The following IPMK variants were observed in gnomAD, a reference collection of about 807,000 sequenced individuals.
The protein encoded by IPMK is inositol 1,3,4,6-tetrakisphosphate 5-kinase.
A neutral mutation model predicts 45.8 loss-of-function variants in IPMK; 17 were observed. The observed-to-expected ratio is 0.37, with a 90% CI of 0.25 to 0.56. IPMK has a LOEUF of 0.56. Ranked by LOEUF, IPMK falls within the 20% of genes least tolerant of loss-of-function variation. The probability of loss-of-function intolerance (pLI) is 0.79; values close to 1 mark genes in which losing one functional copy is unlikely to be tolerated. For missense variants in IPMK, 399 were observed against 498.0 expected, an observed-to-expected ratio of 0.80 and a Z score of 1.89; for synonymous variants, 180 against 184.3, an observed-to-expected ratio of 0.98 and a Z score of 0.19.
intron 3 of IPMK, among the ~76,000 whole-genome samples, chr10:58,218,864 A>G (rs144945808): frequency 6.6e-6 from 1 of 152,354 alleles, no homozygotes; most frequent in Admixed American, 6.5e-5. Context: ...TGCAAACTCT[A>G]TATATAGTGG....
chr10:58,211,510 T>C (rs1275486345), intron 4 of IPMK, among the ~76,000 whole-genome samples: 2 of 152,016 alleles, frequency 1.3e-5, no homozygotes, highest in African/African-American at 2.4e-5. Context: ...CGGTCTCTAA[T>C]GTGTAAAACT....
At chr10:58,207,694 T>G (rs1432770042) in intron 4 of IPMK, among the ~76,000 whole-genome samples, 1 of 152,156 alleles carries the variant, frequency 6.6e-6, no homozygotes, top group African/African-American at 2.4e-5. Context: ...TAGTAATTAC[T>G]TTATGAATTT....
At chr10:58,258,857 A>C (rs1839013524) in intron 1 of IPMK, among the ~76,000 whole-genome samples, 1 of 152,226 alleles carries the variant, frequency 6.6e-6, no homozygotes, top group Non-Finnish European at 1.5e-5. Flanking sequence ...AAATCAAAGA[A>C]ATAAGAAATG....
chr10:58,209,882 G>A (rs1159638423), intron 4 of IPMK, among the ~76,000 whole-genome samples: 1 of 152,218 alleles, frequency 6.6e-6, no homozygotes, highest in Non-Finnish European at 1.5e-5. Flanking sequence ...CCTCCAGCCA[G>A]GAGGTAGTGC....
chr10:58,237,971 T>C (rs1013002441), intron 1 of IPMK, among the ~76,000 whole-genome samples, 157 bp from the exon 2 acceptor site: 3 of 152,206 alleles, frequency 2.0e-5, no homozygotes, highest in Non-Finnish European at 4.4e-5. Context: ...AACCAACATG[T>C]TTCAGTACTT....
chr10:58,228,834 A>G lies in IPMK; in HGVS notation c.277-1695T>C, dbSNP rs756534290. Among the ~76,000 whole-genome samples the G allele has an allele frequency of 4.6e-5, 7 of 152,234 alleles. No homozygotes were observed. The South Asian group carries it at 1.2e-3, about 27-fold the overall frequency. On this transcript the variant is annotated intron_variant, in intron 2 of 5. Transcript: ENST00000373935. Reference sequence around the variant, plus strand: ...TCTATCTTGAAATGTAGAATAAAATATAACAAATATTTTCTTAAATGCATA... The same window carrying G: ...TCTATCTTGAAATGTAGAATAAAATGTAACAAATATTTTCTTAAATGCATA...
In IPMK at chr10:58,195,295, A is replaced by C. The variant is rs1837874985; in HGVS notation, c.*781T>G. On this transcript the variant is annotated 3_prime_UTR_variant, in exon 6 of 6. Coordinates refer to ENST00000373935, the MANE Select transcript of IPMK (RefSeq NM_152230.5). ...TTTATGATACTTTCACAATGTAATA[A>C]ATTTATATTCCAATTTTCTCATGAA... 1 of 152,096 alleles carries C rather than the reference A, an allele frequency of 6.6e-6. No individual in the cohort carries two copies. The highest frequency in any genetic ancestry group is 1.5e-5 in the Non-Finnish European group (1 of 67,916). 9.4% of individuals were successfully genotyped at this position (152,096 alleles called of 1,614,324 possible).
chr10:58,267,875 A>T lies in IPMK; in HGVS notation c.-264T>A. 2.5e-6 allele frequency: 1 copy of T among 407,886 alleles called. No homozygotes were observed. The allele number at this position is 407,886 out of a possible 1,614,324, so 25.3% of individuals were successfully genotyped here. On this transcript the variant is annotated 5_prime_UTR_variant, in exon 1 of 6. Coordinates refer to ENST00000373935, the MANE Select transcript of IPMK (RefSeq NM_152230.5). ...CGCCGGCCCCGGCGCTGCCCGGTAG[A>T]CAGAACCGAGCCGAAGAACAGCAGC... is the stretch of plus-strand genomic sequence containing the variant.
chr10:58,241,512 T>C (rs1259674975), intron 1 of IPMK, among the ~76,000 whole-genome samples: 1 of 152,156 alleles, frequency 6.6e-6, no homozygotes, highest in African/African-American at 2.4e-5. Context: ...TTCAAATCTG[T>C]GGTGCACTGA....
At chr10:58,216,697 A>T (rs563729641) in intron 3 of IPMK, among the ~76,000 whole-genome samples, 54 of 152,316 alleles carry the variant, frequency 3.5e-4, no homozygotes, top group Admixed American at 7.8e-4. Flanking sequence ...AATAATTTTT[A>T]AAAATTGATT....
intron 2 of IPMK, among the ~76,000 whole-genome samples, chr10:58,231,818 C>T (rs1176947915): frequency 6.6e-6 from 1 of 152,212 alleles, no homozygotes; most frequent in Non-Finnish European, 1.5e-5. Context: ...ATCAAATTCA[C>T]ATATAACAAT....
At chr10:58,233,468 T>C (rs968679882) in intron 2 of IPMK, among the ~76,000 whole-genome samples, 1 of 152,162 alleles carries the variant, frequency 6.6e-6, no homozygotes, top group Non-Finnish European at 1.5e-5. Context: ...AAAAAGCTTA[T>C]CCACCATGAT....
intron 3 of IPMK, 123 bp downstream of exon 3, chr10:58,226,920 C>A: frequency 1.0e-5 from 6 of 582,758 alleles, no homozygotes; most frequent in South Asian, 5.0e-5. Context: ...GATTAGAAAG[C>A]AAAACATATA....
chr10:58,199,237 T>C lies in IPMK; in HGVS notation c.628+3A>G. 2 of 1,584,248 alleles carry C rather than the reference T, an allele frequency of 1.3e-6. No homozygotes were observed. Among genetic ancestry groups the C allele is most frequent in the Non-Finnish European group, 1.7e-6 (2 of 1,157,152 alleles). On this transcript the variant is annotated splice_donor_region_variant and intron_variant, in intron 5 of 5. Coordinates refer to ENST00000373935, the MANE Select transcript of IPMK (RefSeq NM_152230.5). ...ATAAAAGCATTAGTTTTTTAGTCCT[T>C]ACCATCCTTTATAGTTTCTTTTGTT...
intron 3 of IPMK, among the ~76,000 whole-genome samples, chr10:58,220,034 A>G (rs1838307849): frequency 1.3e-5 from 2 of 152,198 alleles, no homozygotes; most frequent in Admixed American, 1.3e-4. Context: ...ATACTTTGGG[A>G]ATCCAGCCCA....
intron 1 of IPMK, 146 bp from the exon 2 acceptor site, chr10:58,237,960 C>A: frequency 1.6e-6 from 1 of 626,670 alleles, no homozygotes. Flanking sequence ...TTTTAACATT[C>A]AACCAACATG....
chr10:58,235,841 G>A (rs1467297701), intron 2 of IPMK, among the ~76,000 whole-genome samples: 1 of 151,358 alleles, frequency 6.6e-6, no homozygotes, highest in African/African-American at 2.4e-5. Flanking sequence ...AAAAGAAAGA[G>A]AGAGACAACC....
At chr10:58,247,571 C>T (rs1168055959) in intron 1 of IPMK, among the ~76,000 whole-genome samples, 1 of 151,912 alleles carries the variant, frequency 6.6e-6, no homozygotes, top group Non-Finnish European at 1.5e-5. Flanking sequence ...AACCAAACAC[C>T]ACATATTCTT....
intron 2 of IPMK, among the ~76,000 whole-genome samples, chr10:58,236,685 G>A (rs570749529): frequency 2.0e-5 from 3 of 151,962 alleles, no homozygotes; most frequent in South Asian, 2.1e-4. Flanking sequence ...CAGGAGGATC[G>A]CTTGAGCCCA....
Sources: gnomAD v4.1 joint callset for allele counts (sites outside exome capture counted in the v4.1 genomes callset) on GRCh38, gnomAD v4.1.1 for gene constraint, MANE v1.5 for transcripts, NCBI Gene and HGNC (gene_info 2026-07-23, HGNC 2026-07-21) for gene names.